The following APOL1 variants were observed in gnomAD, a reference collection of about 807,000 sequenced individuals.
The protein encoded by APOL1 is apolipoprotein L1.
In APOL1, 17 loss-of-function variants were observed where a neutral mutation model predicts 14.9. The observed-to-expected ratio is 1.14, with a 90% CI of 0.78 to 1.71. The LOEUF (loss-of-function observed/expected upper bound fraction) is 1.71. Among genes scored for constraint, APOL1 ranks in the 40% most tolerant of loss-of-function variants. The pLI, the probability that APOL1 is intolerant of heterozygous loss-of-function variation, is 0.00. For synonymous variants in APOL1, 195 were observed against 184.8 expected (o/e 1.05, Z -0.45); for missense variants, 523 against 485.9 (o/e 1.08, Z -0.72).
In APOL1 at chr22:36,266,050, C is replaced by T. The variant is rs377750095; in HGVS notation, c.*17C>T. 1.8e-4 allele frequency: 290 copies of T among 1,568,736 alleles called. No homozygotes were observed. Among genetic ancestry groups the T allele is most frequent in the Non-Finnish European group, 2.5e-4 (287 of 1,159,514 alleles). ...GAACTGTGACCACAGGGCAGGGCAG[C>T]CACCAGGAGAGATATGCCTGGCAGG... On this transcript the variant is annotated 3_prime_UTR_variant, in exon 6 of 6. Transcript: ENST00000397278.
chr22:36,261,760 C>T (rs755141458), intron 5 of APOL1, 38 bp downstream of exon 5: 37 of 1,592,294 alleles, frequency 2.3e-5, no homozygotes, highest in African/African-American at 4.0e-5. Context: ...GGCACTCCGG[C>T]GATGCCACCC....
chr22:36,265,848 G>A lies in APOL1; in HGVS notation c.1012G>A (p.Val338Met), dbSNP rs2016238555. The A allele has an allele frequency of 5.0e-6, 8 of 1,614,086 alleles. No homozygotes were observed. The highest frequency in any genetic ancestry group is 5.1e-6 in the Non-Finnish European group (6 of 1,180,048). Reference sequence around the variant, plus strand: ...GAGCAGAGGAGTCAAGCTCACGGATGTGGCCCCTGTAAGCTTCTTTCTTGT... The same window carrying A: ...GAGCAGAGGAGTCAAGCTCACGGATATGGCCCCTGTAAGCTTCTTTCTTGT... ...EMSRGVKLTDVAPVSFFLVLD... is the reference protein window; with the variant it reads ...EMSRGVKLTDMAPVSFFLVLD... Residue 338 changes from valine to methionine, a missense_variant, in exon 6 of 6, where the codon GTG becomes ATG. Physicochemically the swap from Val to Met is conservative, Grantham distance 21. Transcript: ENST00000397278.
chr22:36,263,035 T>C (rs1664656361), intron 5 of APOL1, among the ~76,000 whole-genome samples: 1 of 152,170 alleles, frequency 6.6e-6, no homozygotes, highest in Non-Finnish European at 1.5e-5. Context: ...TTTTGAATCT[T>C]CTAGAGGTTC....
At chr22:36,261,759 G>A in intron 5 of APOL1, 37 bp downstream of exon 5, 1 of 1,594,208 alleles carries the variant, frequency 6.3e-7, no homozygotes, top group Non-Finnish European at 8.6e-7. Flanking sequence ...GGGCACTCCG[G>A]CGATGCCACC....
intron 4 of APOL1, among the ~76,000 whole-genome samples, chr22:36,259,333 G>A (rs1435674506): frequency 6.6e-6 from 1 of 152,146 alleles, no homozygotes; most frequent in Non-Finnish European, 1.5e-5. Context: ...TCCAAACCTG[G>A]GTTTCCTTCC....
chr22:36,257,694 A>C, intron 4 of APOL1: 1 of 201,042 alleles, frequency 5.0e-6, no homozygotes, highest in Non-Finnish European at 9.4e-6. Flanking sequence ...AAGTGGAATC[A>C]GCGGGGGGGG....
chr22:36,258,058 G>T (rs908422049), intron 4 of APOL1, among the ~76,000 whole-genome samples: 4 of 152,180 alleles, frequency 2.6e-5, no homozygotes, highest in East Asian at 1.9e-4. Context: ...ACCTGGCCTG[G>T]CCAGTGCCTG....
At chr22:36,261,468 A>G (rs1293930348) in intron 4 of APOL1, 128 bp from the exon 5 acceptor site, 1 of 1,035,374 alleles carries the variant, frequency 9.7e-7, no homozygotes, top group Non-Finnish European at 1.4e-6. Flanking sequence ...TATAGCACTA[A>G]TGACTCCATA....
intron 4 of APOL1, chr22:36,257,643 C>T (rs1188232236): frequency 8.2e-6 from 4 of 486,878 alleles, no homozygotes; most frequent in African/African-American, 2.1e-5. Flanking sequence ...CCTACCCTGG[C>T]ACCTAGCAAA....
At chr22:36,259,999 T>C (rs1318650498) in intron 4 of APOL1, 1 of 1,131,158 alleles carries the variant, frequency 8.8e-7, no homozygotes. Context: ...TTAAGGAGAA[T>C]GTCAAAGAAA....
rs1377242916 is a variant in APOL1, at chr22:36,266,756, T to G, written c.*723T>G. On this transcript the variant is annotated 3_prime_UTR_variant, in exon 6 of 6. Coordinates refer to ENST00000397278, the MANE Select transcript of APOL1 (RefSeq NM_003661.4). Reference sequence around the variant, plus strand: ...CCGTCTCTACTAAAAATACAAAAAATTAGCCGGGCATGGTGGCGGGCGCCT... The same window carrying G: ...CCGTCTCTACTAAAAATACAAAAAAGTAGCCGGGCATGGTGGCGGGCGCCT... 3.0e-6 allele frequency: 1 copy of G among 332,596 alleles called. No homozygotes were observed. The highest frequency in any genetic ancestry group is 4.9e-5 in the Admixed American group (1 of 20,510). The allele number at this position is 332,596 out of a possible 1,614,324, so 20.6% of individuals were successfully genotyped here.
intron 2 of APOL1, 117 bp from the exon 3 acceptor site, chr22:36,256,966 C>T (rs1185253542): frequency 2.7e-6 from 3 of 1,094,242 alleles, no homozygotes; most frequent in Non-Finnish European, 4.0e-6. Context: ...GCTCCCAGGC[C>T]CTGGTCATTG....
chr22:36,259,813 A>G (rs1262417832), intron 4 of APOL1: 2 of 1,304,194 alleles, frequency 1.5e-6, no homozygotes, highest in South Asian at 1.2e-5. Flanking sequence ...TCCACTGCCC[A>G]TCTGAGAGTG....
chr22:36,266,154 G>GAT lies in APOL1; in HGVS notation c.*122_*123dup. The GAT allele has an allele frequency of 8.9e-7, 1 of 1,128,216 alleles. No homozygotes were observed. The highest frequency in any genetic ancestry group is 1.2e-6 in the Non-Finnish European group (1 of 806,050). 69.9% of individuals were successfully genotyped at this position (1,128,216 alleles called of 1,614,324 possible). A position where few individuals can be genotyped will look rare whatever the true frequency, so the allele number is the denominator to read the frequency against. On this transcript the variant is annotated 3_prime_UTR_variant, in exon 6 of 6. Coordinates refer to ENST00000397278, the MANE Select transcript of APOL1 (RefSeq NM_003661.4). ...TCGCCAAGTTGGAGTGCAATGGTGC[G>GAT]ATCTCAGCTCACTGCAAGCTCTGCC...
At chr22:36,255,101 T>C (rs1166444367) in intron 2 of APOL1, 102 bp downstream of exon 2, 4 of 1,382,224 alleles carry the variant, frequency 2.9e-6, no homozygotes, top group Admixed American at 1.8e-5. Flanking sequence ...GGGCTTCTTC[T>C]AGGAACCAAA....
intron 1 of APOL1, 21 bp from the exon 2 acceptor site, chr22:36,254,916 A>T (rs200230037): frequency 6.2e-6 from 10 of 1,613,576 alleles, no homozygotes; most frequent in Non-Finnish European, 6.8e-6. Flanking sequence ...CACTGTCTCA[A>T]CCCCTCTTTT....
At chr22:36,259,295 A>T (rs2015998188) in intron 4 of APOL1, among the ~76,000 whole-genome samples, 2 of 152,202 alleles carry the variant, frequency 1.3e-5, no homozygotes, top group Admixed American at 6.5e-5. Flanking sequence ...CAAGAAATAC[A>T]CAGATTTAGT....
chr22:36,256,980 G>GAA, intron 2 of APOL1, 103 bp from the exon 3 acceptor site: 1 of 1,311,918 alleles, frequency 7.6e-7, no homozygotes, highest in South Asian at 1.4e-5. Flanking sequence ...GTCATTGTCA[G>GAA]AACCTTCCTC....
intron 1 of APOL1, 39 bp from the exon 2 acceptor site, chr22:36,254,898 G>A (rs758249539): frequency 6.2e-7 from 1 of 1,612,354 alleles, no homozygotes; most frequent in Non-Finnish European, 8.5e-7. Context: ...GATTTCTCAG[G>A]AGGAGCACAC....
Sources: gnomAD v4.1 joint callset for allele counts (sites outside exome capture counted in the v4.1 genomes callset) on GRCh38, gnomAD v4.1.1 for gene constraint, MANE v1.5 for transcripts, NCBI Gene and HGNC (gene_info 2026-07-23, HGNC 2026-07-21) for gene names.